The following ARL3 variants were observed in gnomAD, a reference collection of about 807,000 sequenced individuals.
The protein encoded by ARL3 is ARF like GTPase 3, also known as ADP-ribosylation factor-like protein 3.
ARL3 carries 9 observed loss-of-function variants against 26.0 expected under a neutral mutation model. That is an observed-to-expected ratio of 0.35 (90% CI 0.21 to 0.60). The LOEUF is 0.60. ARL3 is among the 20% of genes least tolerant of loss of function. The pLI, the probability that ARL3 is intolerant of heterozygous loss-of-function variation, is 0.78. For missense variants in ARL3, 158 were observed against 215.7 expected, an observed-to-expected ratio of 0.73 and a Z score of 1.67; for synonymous variants, 71 against 78.4, an observed-to-expected ratio of 0.91 and a Z score of 0.50.
intron 1 of ARL3, among the ~76,000 whole-genome samples, chr10:102,708,743 C>T (rs954345331): frequency 2.6e-5 from 4 of 151,664 alleles, no homozygotes; most frequent in Non-Finnish European, 5.9e-5. Context: ...GTAATCCCAG[C>T]TACTTGGGAA....
intron 5 of ARL3, among the ~76,000 whole-genome samples, chr10:102,684,805 A>C (rs2135997468): frequency 6.6e-6 from 1 of 151,156 alleles, no homozygotes; most frequent in East Asian, 2.0e-4. Flanking sequence ...TGTCCGGCTG[A>C]TTTTTTTTGT....
chr10:102,697,180 A>G (rs1252928098), intron 3 of ARL3, among the ~76,000 whole-genome samples: 3 of 145,338 alleles, frequency 2.1e-5, no homozygotes, highest in African/African-American at 7.5e-5. Flanking sequence ...CTTTATTATA[A>G]TTTTTTTTTT....
chr10:102,681,616 G>A (rs1399495514), intron 5 of ARL3, among the ~76,000 whole-genome samples: 1 of 152,062 alleles, frequency 6.6e-6, no homozygotes, highest in Admixed American at 6.6e-5. Flanking sequence ...CTGTCTCCAG[G>A]AGGAGGAGAG....
chr10:102,676,208 G>T lies in ARL3; in HGVS notation c.*686C>A, dbSNP rs1369043393. ...CTCTGTGTGGCTGGCTGGGGCAGAG[G>T]CAGGGGTGGGTGGGATGGGGTATGT... On this transcript the variant is annotated 3_prime_UTR_variant, in exon 6 of 6. Coordinates refer to ENST00000260746, the MANE Select transcript of ARL3 (RefSeq NM_004311.4). The T allele has an allele frequency of 1.3e-5, 2 of 148,724 alleles. No individual in the cohort carries two copies. Among genetic ancestry groups the T allele is most frequent in the African/African-American group, 2.5e-5 (1 of 39,944 alleles). 9.2% of individuals were successfully genotyped at this position (148,724 alleles called of 1,614,324 possible).
intron 2 of ARL3, among the ~76,000 whole-genome samples, chr10:102,703,473 T>A (rs2064291671): frequency 8.1e-6 from 1 of 122,830 alleles, no homozygotes; most frequent in Non-Finnish European, 1.6e-5. Flanking sequence ...TGATGGAGTC[T>A]CGCTCTGTCG....
intron 3 of ARL3, among the ~76,000 whole-genome samples, chr10:102,691,949 G>C (rs992517034): frequency 6.6e-6 from 1 of 152,152 alleles, no homozygotes; most frequent in Non-Finnish European, 1.5e-5. Flanking sequence ...CCTCATACTT[G>C]TTTAATCTCA....
At chr10:102,713,485 T>C (rs1163207905) in intron 1 of ARL3, among the ~76,000 whole-genome samples, 1 of 152,222 alleles carries the variant, frequency 6.6e-6, no homozygotes, top group Admixed American at 6.5e-5. Flanking sequence ...GGTCCTGGTA[T>C]GGTCACACGC....
intron 5 of ARL3, among the ~76,000 whole-genome samples, chr10:102,683,555 G>A (rs2064166860): frequency 6.6e-6 from 1 of 152,072 alleles, no homozygotes; most frequent in Non-Finnish European, 1.5e-5. Flanking sequence ...ATCATTTCCT[G>A]TGAACTTGGT....
chr10:102,707,306 AAAAAAAG>A (rs1470211577), intron 1 of ARL3, among the ~76,000 whole-genome samples: 1 of 152,104 alleles, frequency 6.6e-6, no homozygotes, highest in Admixed American at 6.5e-5. Context: ...TCAAAAAGAA[AAAAAAAG>A]AAAAAAGAAA....
rs1220023527 is a variant in ARL3, at chr10:102,709,666, A to G, written c.4-4177T>C. Among the ~76,000 whole-genome samples, 6 of 126,272 alleles carry G rather than the reference A, an allele frequency of 4.8e-5. No homozygotes were observed. The East Asian group carries it at 9.9e-4, about 21-fold the overall frequency. 82.8% of individuals were successfully genotyped at this position (126,272 alleles called of 152,430 possible). A position where few individuals can be genotyped will look rare whatever the true frequency, so the allele number is the denominator to read the frequency against. On this transcript the variant is annotated intron_variant, in intron 1 of 5. Coordinates refer to ENST00000260746, the MANE Select transcript of ARL3 (RefSeq NM_004311.4). ...TGTCTCAAAAAAAAAAAAAAAAAAA[A>G]AGAGACAAACATAATGTTTATTCAC...
chr10:102,705,297 T>C, intron 2 of ARL3, 49 bp downstream of exon 2: 1 of 1,507,142 alleles, frequency 6.6e-7, no homozygotes, highest in Non-Finnish European at 9.0e-7. Context: ...CACATTGCTA[T>C]TATCGTCTTC....
chr10:102,676,956 G>A lies in ARL3; in HGVS notation c.502-15C>T, dbSNP rs2064133716. 2 of 1,613,158 alleles carry A rather than the reference G, an allele frequency of 1.2e-6. No homozygotes were observed. The highest frequency in any genetic ancestry group is 1.1e-5 in the South Asian group (1 of 91,028). ...TTCATGCCATCCTTTGAGGGAAATG[G>A]GCAGAGAAAGGCAGTGTTAGTTATA... On this transcript the variant is annotated splice_polypyrimidine_tract_variant and intron_variant, in intron 5 of 5. Transcript: ENST00000260746.
chr10:102,684,339 C>T (rs975221730), intron 5 of ARL3, among the ~76,000 whole-genome samples: 6 of 151,926 alleles, frequency 3.9e-5, no homozygotes, highest in Non-Finnish European at 5.9e-5. Context: ...TTAGTAGAGA[C>T]GGGGCTTCAC....
intron 1 of ARL3, among the ~76,000 whole-genome samples, chr10:102,710,981 T>C (rs1253329035): frequency 3.3e-5 from 5 of 152,194 alleles, no homozygotes; most frequent in Non-Finnish European, 7.3e-5. Flanking sequence ...ATGGAAAATA[T>C]ATGTGGTTGT....
chr10:102,703,697 C>G (rs962581918), intron 2 of ARL3, among the ~76,000 whole-genome samples: 1 of 151,814 alleles, frequency 6.6e-6, no homozygotes, highest in African/African-American at 2.4e-5. Context: ...CCCACCTCGG[C>G]CTCCCAAAGT....
intron 1 of ARL3, among the ~76,000 whole-genome samples, chr10:102,711,314 CTG>C (rs3977757): frequency 0.012 from 1,751 of 143,196 alleles, 11 homozygotes; most frequent in Non-Finnish European, 0.016. Flanking sequence ...TATTCAGCTT[CTG>C]TGTGTGTGTG....
intron 3 of ARL3, among the ~76,000 whole-genome samples, chr10:102,698,202 T>A (rs2064259424): frequency 6.7e-6 from 1 of 150,182 alleles, no homozygotes; most frequent in Non-Finnish European, 1.5e-5. Context: ...GATGATTTCT[T>A]TTTTTTTTTC....
intron 3 of ARL3, among the ~76,000 whole-genome samples, chr10:102,696,676 G>A (rs772176431): frequency 6.6e-6 from 1 of 152,220 alleles, no homozygotes; most frequent in Non-Finnish European, 1.5e-5. Flanking sequence ...AGAATCTGCT[G>A]ATAGATCAGA....
Position 102,700,019 on chromosome 10 carries a change from T to TG in ARL3, c.148-531dup, listed in dbSNP as rs1317753990. Among the ~76,000 whole-genome samples the TG allele has an allele frequency of 2.6e-4, 40 of 152,102 alleles. 1 individual carries two copies. Among genetic ancestry groups the TG allele is most frequent in the Admixed American group, 2.6e-3 (40 of 15,276 alleles). On this transcript the variant is annotated intron_variant, in intron 2 of 5. Coordinates refer to ENST00000260746, the MANE Select transcript of ARL3 (RefSeq NM_004311.4). ...AAAAAGAGCAGAACTGAGGATGCTA[T>TG]GGGGGAGGCTGGGTTTGTAACTCGA...
Sources: gnomAD v4.1 joint callset for allele counts (sites outside exome capture counted in the v4.1 genomes callset) on GRCh38, gnomAD v4.1.1 for gene constraint, MANE v1.5 for transcripts, NCBI Gene and HGNC (gene_info 2026-07-23, HGNC 2026-07-21) for gene names.